The following PRR14 variants were observed in gnomAD, a reference collection of about 807,000 sequenced individuals.
PRR14 encodes the protein proline-rich protein 14.
A neutral mutation model predicts 57.2 loss-of-function variants in PRR14; 33 were observed. That is an observed-to-expected ratio of 0.58 (90% confidence interval 0.44 to 0.77). The LOEUF is 0.77. Among genes scored for constraint, PRR14 ranks in the 30% least tolerant of loss-of-function variants. The pLI is 0.00. For synonymous variants in PRR14, 303 were observed against 314.7 expected (o/e 0.96, Z 0.39); for missense variants, 716 against 788.1 (o/e 0.91, Z 1.10).
Position 30,652,614 on chromosome 16 carries a change from C to T in PRR14, c.193-107C>T, listed in dbSNP as rs182102498. 7.7e-5 allele frequency: 105 copies of T among 1,360,058 alleles called. 1 individual carries two copies. In the East Asian group the frequency reaches 1.8e-3, roughly 23 times the overall value. The allele number at this position is 1,360,058 out of a possible 1,614,324, so 84.2% of individuals were successfully genotyped here. A position where few individuals can be genotyped will look rare whatever the true frequency, so the allele number is the denominator to read the frequency against. On this transcript the variant is annotated intron_variant, in intron 3 of 11. Transcript: ENST00000300835. ...CTTGGGATCCGAGTGAATTCTAGCCCCAATCTCTGTTATGTTTGTGGCTCA... is the reference window on the plus strand; with the variant it reads ...CTTGGGATCCGAGTGAATTCTAGCCTCAATCTCTGTTATGTTTGTGGCTCA...
rs2052313995 is a variant in PRR14, at chr16:30,651,680, C to T, written c.23+12C>T. ...CCCGGGGACTCCAGGTGAGAGCGTA[C>T]CCGGGCGGCCCGCCTGTCTTGACCC... is the stretch of plus-strand genomic sequence containing the variant. On this transcript the variant is annotated intron_variant, in intron 2 of 11. Transcript: ENST00000300835. The surrounding 1 kb of genome is among the most constrained non-coding windows in gnomAD (Gnocchi z 5.0). 6.2e-6 allele frequency: 10 copies of T among 1,611,526 alleles called. No individual in the cohort carries two copies. The highest frequency in any genetic ancestry group is 1.7e-4 in the Middle Eastern group (1 of 5,944).
chr16:30,655,874 CAAG>C lies in PRR14; in HGVS notation c.1417_1419del (p.Lys473del), dbSNP rs1567539996. 2 of 1,614,124 alleles carry C rather than the reference CAAG, an allele frequency of 1.2e-6. No individual in the cohort carries two copies. Among genetic ancestry groups the C allele is most frequent in the African/African-American group, 1.3e-5 (1 of 75,030 alleles). On this transcript the variant is annotated inframe_deletion, in exon 11 of 12. Coordinates refer to ENST00000300835, the MANE Select transcript of PRR14 (RefSeq NM_024031.5). The surrounding 1 kb of genome is among the most constrained non-coding windows in gnomAD (Gnocchi z 4.6). ...CTCTGCTCTTTGCTCACAGGTTGAACAAGAAGGAGTTCAGCTTGGAAGAAATTT... is the reference window on the plus strand; with the variant it reads ...CTCTGCTCTTTGCTCACAGGTTGAACAAGGAGTTCAGCTTGGAAGAAATTT...
In PRR14 at chr16:30,651,933, T is replaced by C; in HGVS notation, c.161T>C (p.Val54Ala). ...LEKASRRVLAVVLEDVMAVHM... is the reference protein window; with the variant it reads ...LEKASRRVLAAVLEDVMAVHM... Reference sequence around the variant, plus strand: ...AAGGCCTCTCGGCGGGTCCTGGCCGTGGTGCTAGAAGATGTCATGGCTGTT... The same window carrying C: ...AAGGCCTCTCGGCGGGTCCTGGCCGCGGTGCTAGAAGATGTCATGGCTGTT... The change falls in exon 3 of 12, where the codon GTG becomes GCG. Residue 54 changes from valine (V) to alanine (A), a missense_variant. Physicochemically the swap from Val to Ala is moderately conservative, Grantham distance 64. Transcript: ENST00000300835. This position sits in a 1 kb window ranked among gnomAD's most constrained non-coding sequence, Gnocchi z 5.0. The C allele has an allele frequency of 6.4e-7, 1 of 1,567,220 alleles. No individual in the cohort carries two copies. Among genetic ancestry groups the C allele is most frequent in the Non-Finnish European group, 8.6e-7 (1 of 1,158,648 alleles).
Position 30,651,674 on chromosome 16 carries a change from A to G in PRR14, c.23+6A>G. On this transcript the variant is annotated splice_donor_region_variant and intron_variant, in intron 2 of 11. Transcript: ENST00000300835. The surrounding 1 kb of genome is among the most constrained non-coding windows in gnomAD (Gnocchi z 5.0). ...GACTTGCCCGGGGACTCCAGGTGAGAGCGTACCCGGGCGGCCCGCCTGTCT... is the reference window on the plus strand; with the variant it reads ...GACTTGCCCGGGGACTCCAGGTGAGGGCGTACCCGGGCGGCCCGCCTGTCT... 6.2e-7 allele frequency: 1 copy of G among 1,609,574 alleles called. No individual in the cohort carries two copies. The highest frequency in any genetic ancestry group is 8.5e-7 in the Non-Finnish European group (1 of 1,178,512).
In PRR14 at chr16:30,651,875, C is replaced by G. The variant is rs769313354; in HGVS notation, c.103C>G (p.Leu35Val). Residue 35 changes from leucine (L) to valine (V), a missense_variant, in exon 3 of 12, where the codon CTG becomes GTG. Transcript: ENST00000300835. The surrounding 1 kb of genome is among the most constrained non-coding windows in gnomAD (Gnocchi z 5.0). ...WGARSPKRPR[L>V]QLPGAPSPLE... ...AGCCAGGAGCCCGAAACGGCCGAGG[C>G]TGCAGCTCCCGGGGGCCCCTTCTCC... 2.5e-6 allele frequency: 4 copies of G among 1,607,114 alleles called. No homozygotes were observed. The South Asian group carries it at 3.3e-5, about 13-fold the overall frequency.
rs200852169 is a variant in PRR14 at position 30,656,061 on chromosome 16, G to A, written c.1508G>A (p.Arg503Gln). The change falls in exon 12 of 12, where the codon CGG becomes CAG. Residue 503 changes from arginine to glutamine, a missense_variant. Arg to Gln is a conservative substitution (Grantham distance 43, BLOSUM62 1). Transcript: ENST00000300835. ...TTTGAGACCATCTTTGAGGAACCCC[G>A]GGAGCGCAATGGGACTCTGATTTTC... is the stretch of plus-strand genomic sequence containing the variant. ...RTFETIFEEP[R>Q]ERNGTLIFTS... The A allele has an allele frequency of 1.2e-5, 18 of 1,553,778 alleles. 1 individual carries two copies. Among genetic ancestry groups the A allele is most frequent in the Middle Eastern group, 1.7e-4 (1 of 5,726 alleles).
intron 3 of PRR14, 98 bp downstream of exon 3, chr16:30,652,062 C>A: frequency 1.5e-6 from 2 of 1,336,608 alleles, no homozygotes; most frequent in South Asian, 1.4e-5. Flanking sequence ...AAGTCCAAAT[C>A]CATCATTGTT....
At chr16:30,652,175 T>C in intron 3 of PRR14, 1 of 639,712 alleles carries the variant, frequency 1.6e-6, no homozygotes, top group South Asian at 1.9e-5. Context: ...CCAACGATTT[T>C]GGGCTGGAAC....
At position 30,652,652 on chromosome 16, in the gene PRR14, G is replaced by A. The variant is rs925010813; in HGVS notation, c.193-69G>A. 3.8e-6 allele frequency: 6 copies of A among 1,593,122 alleles called. No individual in the cohort carries two copies. In the South Asian group the frequency reaches 5.5e-5, roughly 15 times the overall value. On this transcript the variant is annotated intron_variant, in intron 3 of 11. Transcript: ENST00000300835. ...TGTTTGTGGCTCAGGGCACTGTGAG[G>A]CACAGGGAAACCTTGTCCCGTCCAG... is the stretch of plus-strand genomic sequence containing the variant.
chr16:30,653,141 T>C, intron 5 of PRR14, 38 bp downstream of exon 5: 2 of 1,556,462 alleles, frequency 1.3e-6, no homozygotes, highest in Non-Finnish European at 1.7e-6. Flanking sequence ...AGGGTTCTGC[T>C]GGGTTCCAGC....
Position 30,654,881 on chromosome 16 carries a change from GC to G in PRR14, c.916del (p.Arg306GlyfsTer152). 1.9e-6 allele frequency: 3 copies of G among 1,609,192 alleles called. No individual in the cohort carries two copies. Among genetic ancestry groups the G allele is most frequent in the Non-Finnish European group, 8.5e-7 (1 of 1,177,892 alleles). ...GCTGCTGAGGGCACTGCGTCTGTCA[GC>G]CCCCGGCCCCCAATCCGCCAGTGGC... ...SGAAEGTASVSPRPPIRQWRT... is the reference protein window; with the variant it reads ...SGAAEGTASVXPRPPIRQWRT... On this transcript the variant is annotated frameshift_variant, in exon 8 of 12. Coordinates refer to ENST00000300835, the MANE Select transcript of PRR14 (RefSeq NM_024031.5). LOFTEE classifies it high-confidence loss of function.
chr16:30,655,896 G>T lies in PRR14; in HGVS notation c.1435G>T (p.Glu479Ter), dbSNP rs1567540014. The T allele has an allele frequency of 1.2e-6, 2 of 1,614,190 alleles. No homozygotes were observed. Among genetic ancestry groups the T allele is most frequent in the Non-Finnish European group, 1.7e-6 (2 of 1,180,046 alleles). The change falls in exon 11 of 12, where the codon GAA becomes TAA. Residue 479 changes from glutamate to a stop codon, truncating the protein, a stop_gained. Transcript: ENST00000300835. LOFTEE classifies it high-confidence loss of function. The surrounding 1 kb of genome is among the most constrained non-coding windows in gnomAD (Gnocchi z 4.6). ...RLNKKEFSLE[E>*]IYTNKNYQSP... The stretch of plus-strand genomic sequence containing the variant: ...GAACAAGAAGGAGTTCAGCTTGGAA[G>T]AAATTTACACCAACAAGAATTACCA...
chr16:30,653,341 C>T, intron 5 of PRR14, 24 bp from the exon 6 acceptor site: 6 of 1,613,392 alleles, frequency 3.7e-6, no homozygotes, highest in Non-Finnish European at 5.1e-6. Context: ...TGCCTCCCCA[C>T]AAACATCCCC....
At position 30,655,052 on chromosome 16, in the gene PRR14, G is replaced by A. The variant is rs764171554; in HGVS notation, c.1082G>A (p.Arg361Gln). Residue 361 changes from arginine to glutamine, a missense_variant, in exon 8 of 12, where the codon CGG becomes CAG. Transcript: ENST00000300835. This position sits in a 1 kb window ranked among gnomAD's most constrained non-coding sequence, Gnocchi z 4.6. ...PPQPSRPRPRRHTVGGGEMAR... is the reference protein window; with the variant it reads ...PPQPSRPRPRQHTVGGGEMAR... ...CAACCAAGCCGACCACGGCCGCGGC[G>A]GCACACTGTGGGTGGTGGGGAAATG... 2.0e-5 allele frequency: 33 copies of A among 1,610,962 alleles called. No homozygotes were observed. Among genetic ancestry groups the A allele is most frequent in the Admixed American group, 8.3e-5 (5 of 59,956 alleles).
In PRR14 at chr16:30,654,710, C is replaced by A; in HGVS notation, c.740C>A (p.Ala247Asp). The change falls in exon 8 of 12, where the codon GCC (alanine) becomes GAC (aspartate). Residue 247 changes from alanine to aspartate, a missense_variant. By Grantham distance (126) the Ala-to-Asp change is moderately radical. Transcript: ENST00000300835. ...CCCCGCCTCAGTCCCTGGGGCTTGG[C>A]CCCGCTCTTCCGTTCCGTCCGCTCC... ...LRPRLSPWGL[A>D]PLFRSVRSKL... The A allele has an allele frequency of 6.2e-7, 1 of 1,613,824 alleles. No individual in the cohort carries two copies. Among genetic ancestry groups the A allele is most frequent in the South Asian group, 1.1e-5 (1 of 91,082 alleles).
At position 30,656,204 on chromosome 16, in the gene PRR14, G is replaced by A. The variant is rs147732504; in HGVS notation, c.1651G>A (p.Ala551Thr). The A allele has an allele frequency of 1.9e-5, 30 of 1,612,074 alleles. No individual in the cohort carries two copies. Among genetic ancestry groups the A allele is most frequent in the Admixed American group, 5.0e-5 (3 of 59,510 alleles). The change falls in exon 12 of 12, where the codon GCC (alanine) becomes ACC (threonine). Residue 551 changes from alanine (A) to threonine (T), a missense_variant. Ala to Thr is a moderately conservative substitution (Grantham distance 58). Coordinates refer to ENST00000300835, the MANE Select transcript of PRR14 (RefSeq NM_024031.5). Reference sequence around the variant, plus strand: ...GGGCAGGACTGTTCCTCCCAATGTGGCCCCCAGCCCTGATGTGGGCCCCCT... The same window carrying A: ...GGGCAGGACTGTTCCTCCCAATGTGACCCCCAGCCCTGATGTGGGCCCCCT... ...AGGRTVPPNV[A>T]PSPDVGPLLQ...
rs772972589 is a variant in PRR14, at chr16:30,654,215, T to G, written c.549-15T>G. On this transcript the variant is annotated splice_polypyrimidine_tract_variant and intron_variant, in intron 6 of 11. Transcript: ENST00000300835. ...CTGGAAGTTCCCCTAGCCTTTACCT[T>G]GCCCTTCACCCCAGAGCTGAGCCCA... 3 of 1,603,728 alleles carry G rather than the reference T, an allele frequency of 1.9e-6. No individual in the cohort carries two copies. Among genetic ancestry groups the G allele is most frequent in the Non-Finnish European group, 2.6e-6 (3 of 1,170,908 alleles).
Position 30,654,333 on chromosome 16 carries a change from C to G in PRR14, c.652C>G (p.Pro218Ala). 1 of 1,612,208 alleles carries G rather than the reference C, an allele frequency of 6.2e-7. No individual in the cohort carries two copies. Among genetic ancestry groups the G allele is most frequent in the Non-Finnish European group, 8.5e-7 (1 of 1,178,306 alleles). The change falls in exon 7 of 12, where the codon CCA (proline) becomes GCA (alanine). Residue 218 changes from proline (P) to alanine (A), a missense_variant. By Grantham distance (27) the Pro-to-Ala change is conservative. Transcript: ENST00000300835. ...ALPADPLESP[P>A]TAPDPALELP... ...GCCTGCAGACCCTCTGGAGAGCCCA[C>G]CAACAGGTAAGGACTTGGGTAGAGA...
rs760726264 is a variant in PRR14 at position 30,655,671 on chromosome 16, C to A, written c.1406+78C>A. On this transcript the variant is annotated intron_variant, in intron 10 of 11. Coordinates refer to ENST00000300835, the MANE Select transcript of PRR14 (RefSeq NM_024031.5). This position sits in a 1 kb window ranked among gnomAD's most constrained non-coding sequence, Gnocchi z 4.6. ...TGTCCCCTGAAGTATAGCTTTGTCT[C>A]CCCTCAGGGAGCACAGTCCAGCCTG... is the stretch of plus-strand genomic sequence containing the variant. 1.3e-5 allele frequency: 18 copies of A among 1,421,818 alleles called. 1 individual carries two copies. In the African/African-American group the frequency reaches 1.8e-4, roughly 14 times the overall value. 88.1% of individuals were successfully genotyped at this position (1,421,818 alleles called of 1,614,324 possible). A position where few individuals can be genotyped will look rare whatever the true frequency, so the allele number is the denominator to read the frequency against.
Sources: gnomAD v4.1 joint callset for allele counts on GRCh38, gnomAD v4.1.1 for gene constraint, Gnocchi (gnomAD v3.1) non-coding constraint, MANE v1.5 for transcripts, NCBI Gene and HGNC (gene_info 2026-07-23, HGNC 2026-07-21) for gene names.